TTLL11: variants seen among roughly 807,000 people sequenced by gnomAD.
TTLL11 encodes tubulin tyrosine ligase like 11.
Under a neutral mutation model 51.7 loss-of-function variants are expected in TTLL11, and 42 were observed. That is an observed-to-expected ratio of 0.81 (90% CI 0.64 to 1.05). TTLL11 has a LOEUF of 1.05. TTLL11 is among the 50% of genes least tolerant of loss of function. The pLI, the probability that TTLL11 is intolerant of heterozygous loss-of-function variation, is 0.00. For synonymous variants in TTLL11, 381 were observed against 383.5 expected (o/e 0.99, Z 0.08); for missense variants, 799 against 940.4 (o/e 0.85, Z 1.97).
At chr9:121,952,845 C>T (rs760499149) in intron 6 of TTLL11, among the ~76,000 whole-genome samples, 1 of 152,148 alleles carries the variant, frequency 6.6e-6, no homozygotes, top group Non-Finnish European at 1.5e-5. Flanking sequence ...TCAGGAAGCT[C>T]ATTTGCCCAC....
intron 6 of TTLL11, among the ~76,000 whole-genome samples, chr9:121,872,470 G>A (rs1198732077): frequency 1.3e-5 from 2 of 152,200 alleles, no homozygotes; most frequent in Non-Finnish European, 2.9e-5. Context: ...CTTGGTGTTT[G>A]AGAAAGTTTC....
At chr9:121,856,772 G>A (rs1837835159) in intron 8 of TTLL11, among the ~76,000 whole-genome samples, 1 of 152,070 alleles carries the variant, frequency 6.6e-6, no homozygotes. Flanking sequence ...CCTCAGCATG[G>A]CACCCACACC....
intron 6 of TTLL11, among the ~76,000 whole-genome samples, chr9:121,951,740 G>A (rs1841857294): frequency 6.6e-6 from 1 of 152,300 alleles, no homozygotes; most frequent in African/African-American, 2.4e-5. Context: ...GGGCGAGTCC[G>A]AGTAAAGTGA....
At chr9:122,038,793 G>A (rs1288809777) in intron 2 of TTLL11, among the ~76,000 whole-genome samples, 1 of 152,164 alleles carries the variant, frequency 6.6e-6, no homozygotes, top group Non-Finnish European at 1.5e-5. Flanking sequence ...CTGAGATAAT[G>A]TCATTAGGTA....
chr9:121,834,722 G>T (rs781538231), intron 8 of TTLL11, among the ~76,000 whole-genome samples: 3 of 151,968 alleles, frequency 2.0e-5, no homozygotes, highest in Non-Finnish European at 2.9e-5. Context: ...AGCTACTCAG[G>T]AGGCTGAGGC....
In TTLL11 at chr9:122,085,337, A is replaced by C. The variant is rs549469433; in HGVS notation, c.462+7350T>G. 6.8e-4 allele frequency among the ~76,000 whole-genome samples: 104 copies of C among 152,330 alleles called. No individual in the cohort carries two copies. In the South Asian group the frequency reaches 9.7e-3, roughly 14 times the overall value. ...GACTTTAAAACATTCAATTAGACTT[A>C]GGAAACTTTAGAAGTATAATTGATT... On this transcript the variant is annotated intron_variant, in intron 1 of 8. Coordinates refer to ENST00000321582, the MANE Select transcript of TTLL11 (RefSeq NM_001139442.2).
rs113818323 is a variant in TTLL11, at chr9:121,897,923, C to CTT, written c.1482-27177_1482-27176dup. Reference sequence around the variant, plus strand: ...TTCCCTTCCCTCTCTTTCTTCTATTCTTTTTTTTTTTTTGAGATGGAGCCT... The same window carrying CTT: ...TTCCCTTCCCTCTCTTTCTTCTATTCTTTTTTTTTTTTTTTGAGATGGAGCCT... On this transcript the variant is annotated intron_variant, in intron 6 of 8. Transcript: ENST00000321582. 4.5e-3 allele frequency among the ~76,000 whole-genome samples: 644 copies of CTT among 143,150 alleles called. 9 individuals are homozygous for CTT. Among genetic ancestry groups the CTT allele is most frequent in the African/African-American group, 0.015 (563 of 38,570 alleles). The allele number at this position is 143,150 out of a possible 152,430, so 93.9% of individuals were successfully genotyped here. A position where few individuals can be genotyped will look rare whatever the true frequency, so the allele number is the denominator to read the frequency against.
intron 8 of TTLL11, among the ~76,000 whole-genome samples, chr9:121,854,957 T>C (rs1837769698): frequency 6.6e-6 from 1 of 152,218 alleles, no homozygotes; most frequent in Non-Finnish European, 1.5e-5. Flanking sequence ...AACATTGGCA[T>C]GCTGGAGAGC....
intron 1 of TTLL11, among the ~76,000 whole-genome samples, chr9:122,060,524 T>C (rs1845409821): frequency 6.6e-6 from 1 of 152,190 alleles, no homozygotes; most frequent in South Asian, 2.1e-4. Flanking sequence ...TCTGAGCTCC[T>C]TCCTCTAGCC....
chr9:122,063,103 C>T (rs1332722986), intron 1 of TTLL11, among the ~76,000 whole-genome samples: 1 of 152,178 alleles, frequency 6.6e-6, no homozygotes, highest in Non-Finnish European at 1.5e-5. Flanking sequence ...ACTATATCAT[C>T]TTAATTGCTC....
chr9:121,920,933 T>C (rs753295983), intron 6 of TTLL11, among the ~76,000 whole-genome samples: 1 of 152,266 alleles, frequency 6.6e-6, no homozygotes, highest in Non-Finnish European at 1.5e-5. Flanking sequence ...AGCGTCTAGC[T>C]AATGCACAAC....
At chr9:121,899,402 T>TATATATATAC (rs1465376759) in intron 6 of TTLL11, among the ~76,000 whole-genome samples, 79 of 82,766 alleles carry the variant, frequency 9.5e-4, no homozygotes, top group African/African-American at 2.4e-3. Context: ...TATATATATA[T>TATATATATAC]ACACACACAC....
intron 8 of TTLL11, among the ~76,000 whole-genome samples, chr9:121,855,043 A>G (rs1391026776): frequency 4.6e-5 from 7 of 152,210 alleles, no homozygotes; most frequent in African/African-American, 1.7e-4. Flanking sequence ...AGGCAAGCCC[A>G]TTTGGGGAAT....
At chr9:121,984,387 G>T (rs1254490537) in intron 4 of TTLL11, among the ~76,000 whole-genome samples, 11 of 152,196 alleles carry the variant, frequency 7.2e-5, no homozygotes. Flanking sequence ...CTATGTGTTA[G>T]GTGCTGTGCT....
At chr9:121,902,157 T>C (rs955459717) in intron 6 of TTLL11, among the ~76,000 whole-genome samples, 2 of 152,076 alleles carry the variant, frequency 1.3e-5, no homozygotes, top group Admixed American at 1.3e-4. Flanking sequence ...AAAAACCATT[T>C]CTCATCCTAC....
At chr9:122,092,617 G>A in intron 1 of TTLL11, 70 bp downstream of exon 1, 2 of 1,528,322 alleles carry the variant, frequency 1.3e-6, no homozygotes, top group South Asian at 2.4e-5. Context: ...GACCTGGGCC[G>A]TGCCGAGACC....
At chr9:121,917,047 G>A (rs1156284508) in intron 6 of TTLL11, among the ~76,000 whole-genome samples, 1 of 151,966 alleles carries the variant, frequency 6.6e-6, no homozygotes, top group African/African-American at 2.4e-5. Flanking sequence ...CCCTGCCAGG[G>A]GTATATTCTG....
At chr9:122,058,911 T>C (rs17263525) in intron 1 of TTLL11, among the ~76,000 whole-genome samples, 6,690 of 152,258 alleles carry the variant, frequency 0.044, 301 homozygotes, top group Admixed American at 0.12. Flanking sequence ...AATGAGGCAA[T>C]TGCATTAAGT....
intron 3 of TTLL11, among the ~76,000 whole-genome samples, chr9:122,015,750 C>T (rs927858746): frequency 6.7e-6 from 1 of 148,286 alleles, no homozygotes; most frequent in Admixed American, 6.8e-5. Flanking sequence ...AAGCTGGGTC[C>T]TGCAGATACC....
Sources: allele counts gnomAD v4.1 joint callset (sites outside exome capture counted in the v4.1 genomes callset), GRCh38; gene constraint gnomAD v4.1.1; transcripts MANE v1.5; gene names NCBI Gene and HGNC (gene_info 2026-07-23, HGNC 2026-07-21).